The following FBXL7 variants were observed in gnomAD, a reference collection of about 807,000 sequenced individuals.
FBXL7 encodes F-box/LRR-repeat protein 7.
Under a neutral mutation model 38.3 loss-of-function variants are expected in FBXL7, and 12 were observed. The ratio of observed to expected loss-of-function variants is 0.31; its 90% CI spans 0.20 to 0.51. The LOEUF is 0.51. Ranked by LOEUF, FBXL7 falls within the 20% of genes least tolerant of loss-of-function variation. The pLI is 0.98. For missense variants in FBXL7, 567 were observed against 676.4 expected, an observed-to-expected ratio of 0.84 and a Z score of 1.79; for synonymous variants, 297 against 300.9, an observed-to-expected ratio of 0.99 and a Z score of 0.13.
At chr5:15,912,679 A>G (rs964397935) in intron 2 of FBXL7, among the ~76,000 whole-genome samples, 1 of 152,132 alleles carries the variant, frequency 6.6e-6, no homozygotes, top group African/African-American at 2.4e-5. Context: ...AAGAAGTATG[A>G]CAAGTTCTGA....
At chr5:15,824,089 C>T (rs953405334) in intron 2 of FBXL7, among the ~76,000 whole-genome samples, 2 of 151,290 alleles carry the variant, frequency 1.3e-5, no homozygotes, top group African/African-American at 2.4e-5. Flanking sequence ...ACCAGCCTGA[C>T]CAACGAGACC....
intron 2 of FBXL7, among the ~76,000 whole-genome samples, chr5:15,657,401 C>T (rs1331222463): frequency 6.6e-6 from 1 of 152,090 alleles, no homozygotes; most frequent in East Asian, 1.9e-4. Flanking sequence ...TACCGGCCTG[C>T]AGTAAACAAA....
chr5:15,760,940 A>G (rs1736423878), intron 2 of FBXL7, among the ~76,000 whole-genome samples: 1 of 142,330 alleles, frequency 7.0e-6, no homozygotes, highest in Admixed American at 7.0e-5. Flanking sequence ...AATGAGACAG[A>G]AAAAAAAAAA....
intron 1 of FBXL7, among the ~76,000 whole-genome samples, chr5:15,502,941 G>A (rs1017525743): frequency 3.3e-5 from 5 of 152,008 alleles, no homozygotes; most frequent in South Asian, 2.1e-4. Context: ...TTTTCTGTAT[G>A]GTATATCTCA....
At chr5:15,528,618 A>G (rs1359839541) in intron 1 of FBXL7, among the ~76,000 whole-genome samples, 1 of 152,166 alleles carries the variant, frequency 6.6e-6, no homozygotes, top group South Asian at 2.1e-4. Flanking sequence ...ATTCACTACC[A>G]CAAGAACAGT....
chr5:15,603,586 T>A (rs1408403075), intron 1 of FBXL7, among the ~76,000 whole-genome samples: 1 of 152,342 alleles, frequency 6.6e-6, no homozygotes, highest in Middle Eastern at 3.4e-3. Context: ...TCATGGCTTA[T>A]AGCGATTTTA....
chr5:15,887,141 G>T (rs1042709156), intron 2 of FBXL7, among the ~76,000 whole-genome samples: 1 of 152,294 alleles, frequency 6.6e-6, no homozygotes, highest in Non-Finnish European at 1.5e-5. Flanking sequence ...CAACAGAATA[G>T]TCAAGGCTAT....
chr5:15,720,155 C>G lies in FBXL7; in HGVS notation c.127+104083C>G, dbSNP rs369059490. On this transcript the variant is annotated intron_variant, in intron 2 of 3. Transcript: ENST00000504595. Reference sequence around the variant, plus strand: ...AGCAATAAACCATAATACCAACAAACAGTAAACCAGTCATTCATTAGCAAT... The same window carrying G: ...AGCAATAAACCATAATACCAACAAAGAGTAAACCAGTCATTCATTAGCAAT... Among the ~76,000 whole-genome samples, 7 of 149,252 alleles carry G rather than the reference C, an allele frequency of 4.7e-5. 2 individuals are homozygous for G. Among genetic ancestry groups the G allele is most frequent in the African/African-American group, 1.7e-4 (7 of 40,978 alleles).
chr5:15,600,085 C>T (rs141990472), intron 1 of FBXL7, among the ~76,000 whole-genome samples: 178 of 152,286 alleles, frequency 1.2e-3, no homozygotes, highest in Middle Eastern at 3.4e-3. Flanking sequence ...CCTCATAGGA[C>T]GCATGTTCAA....
intron 2 of FBXL7, among the ~76,000 whole-genome samples, chr5:15,669,196 A>C (rs1336963621): frequency 6.6e-6 from 1 of 152,226 alleles, no homozygotes; most frequent in Non-Finnish European, 1.5e-5. Flanking sequence ...TTTTAAAAAA[A>C]GGAATGGAAC....
intron 2 of FBXL7, among the ~76,000 whole-genome samples, chr5:15,894,916 G>C (rs1216968662): frequency 1.3e-5 from 2 of 151,996 alleles, no homozygotes; most frequent in Non-Finnish European, 1.5e-5. Context: ...AAAGGTGATA[G>C]CAAGTTGCTT....
intron 2 of FBXL7, among the ~76,000 whole-genome samples, chr5:15,716,831 A>C (rs1038925607): frequency 3.3e-5 from 5 of 152,212 alleles, no homozygotes; most frequent in African/African-American, 1.2e-4. Context: ...GACATTAAGA[A>C]ATATCTTAGT....
chr5:15,820,794 G>C (rs1193797768), intron 2 of FBXL7, among the ~76,000 whole-genome samples: 1 of 152,088 alleles, frequency 6.6e-6, no homozygotes, highest in African/African-American at 2.4e-5. Flanking sequence ...ACTCTAGAAT[G>C]AATGTTCTCC....
chr5:15,892,292 G>A lies in FBXL7; in HGVS notation c.128-35598G>A, dbSNP rs73752360. The stretch of plus-strand genomic sequence containing the variant: ...AGGAAGGCATGTAGAAAGCCAGGTG[G>A]TTGACACACGGTAGGGGCAGATGAT... On this transcript the variant is annotated intron_variant, in intron 2 of 3. Coordinates refer to ENST00000504595, the MANE Select transcript of FBXL7 (RefSeq NM_012304.5). Among the ~76,000 whole-genome samples, 1,071 of 152,346 alleles carry A rather than the reference G, an allele frequency of 7.0e-3. 20 individuals are homozygous for A. Among genetic ancestry groups the A allele is most frequent in the African/African-American group, 0.024 (1,013 of 41,574 alleles).
At chr5:15,560,755 GTTC>G (rs888552145) in intron 1 of FBXL7, among the ~76,000 whole-genome samples, 2 of 152,128 alleles carry the variant, frequency 1.3e-5, no homozygotes, top group African/African-American at 2.4e-5. Context: ...ACTTCCCTCT[GTTC>G]TTCTGCAATT....
At chr5:15,614,247 T>G (rs1023722989) in intron 1 of FBXL7, among the ~76,000 whole-genome samples, 1 of 149,218 alleles carries the variant, frequency 6.7e-6, no homozygotes. Flanking sequence ...TAGCAATAGC[T>G]TGCGTTCTTT....
chr5:15,641,893 T>C (rs1286542012), intron 2 of FBXL7, among the ~76,000 whole-genome samples: 7 of 151,934 alleles, frequency 4.6e-5, no homozygotes, highest in Admixed American at 4.6e-4. Context: ...ATAATACATT[T>C]TATATTATAG....
rs186576619 is a variant in FBXL7 at position 15,567,458 on chromosome 5, G to A, written c.38-48525G>A. ...CTTTATTCTTCTTCACAGTGAAACA[G>A]TGTGAGTTGAATTAATAATTGGAAG... On this transcript the variant is annotated intron_variant, in intron 1 of 3. Transcript: ENST00000504595. 3.1e-3 allele frequency among the ~76,000 whole-genome samples: 478 copies of A among 152,156 alleles called. 5 individuals are homozygous for A. The highest frequency in any genetic ancestry group is 0.01 in the African/African-American group (433 of 41,514).
At chr5:15,534,064 T>A (rs667260) in intron 1 of FBXL7, among the ~76,000 whole-genome samples, 3,789 of 152,240 alleles carry the variant, frequency 0.025, 189 homozygotes, top group African/African-American at 0.086. Context: ...GAACAGAAGG[T>A]ACAGAGTTTC....
Sources: allele counts gnomAD v4.1 joint callset (sites outside exome capture counted in the v4.1 genomes callset), GRCh38; gene constraint gnomAD v4.1.1; transcripts MANE v1.5; gene names NCBI Gene and HGNC (gene_info 2026-07-23, HGNC 2026-07-21).